The following SLC4A4 variants were observed in gnomAD, a reference collection of about 807,000 sequenced individuals.
SLC4A4 encodes the protein electrogenic sodium bicarbonate cotransporter 1.
In SLC4A4, 27 loss-of-function variants were observed where a neutral mutation model predicts 111.5. The ratio of observed to expected loss-of-function variants is 0.24; its 90% CI spans 0.18 to 0.33. The LOEUF (loss-of-function observed/expected upper bound fraction) is 0.33. SLC4A4 is among the 10% of genes least tolerant of loss of function. The pLI is 1.00. For missense variants in SLC4A4, 909 were observed against 1,315.5 expected (o/e 0.69, Z 4.78); for synonymous variants, 443 against 463.4 (o/e 0.96, Z 0.57).
chr4:71,476,204 A>G (rs571346376), intron 14 of SLC4A4, among the ~76,000 whole-genome samples: 2 of 151,832 alleles, frequency 1.3e-5, no homozygotes, highest in Non-Finnish European at 2.9e-5. Flanking sequence ...TGACAATGTT[A>G]ATACTTCTCC....
At chr4:71,221,121 C>T (rs7663719) in intron 1 of SLC4A4, among the ~76,000 whole-genome samples, 1,965 of 152,252 alleles carry the variant, frequency 0.013, 31 homozygotes, top group African/African-American at 0.04. Flanking sequence ...GTGTCATTAA[C>T]GGGCATTTAG....
Position 71,534,215 on chromosome 4 carries a change from G to A in SLC4A4, c.2281-12G>A, listed in dbSNP as rs763822661. The A allele has an allele frequency of 2.5e-6, 4 of 1,613,112 alleles. No individual in the cohort carries two copies. The highest frequency in any genetic ancestry group is 3.4e-6 in the Non-Finnish European group (4 of 1,179,424). ...GATAATTTTCTGAAAAATGTCATCT[G>A]TCTTTTTCAAGCCAACAAGTCCAAA... On this transcript the variant is annotated splice_polypyrimidine_tract_variant and intron_variant, in intron 17 of 25. Transcript: ENST00000264485.
At chr4:71,155,328 A>C (rs891984876) in intron 2 of SLC4A4, among the ~76,000 whole-genome samples, 13 of 152,214 alleles carry the variant, frequency 8.5e-5, no homozygotes, top group African/African-American at 2.4e-5. Flanking sequence ...TCTCCATTTC[A>C]GACTGCAAAA....
At chr4:71,525,138 A>C (rs2149199406) in intron 16 of SLC4A4, among the ~76,000 whole-genome samples, 1 of 152,252 alleles carries the variant, frequency 6.6e-6, no homozygotes, top group South Asian at 2.1e-4. Context: ...TATTATGTTT[A>C]TAATAGATTT....
chr4:71,332,634 T>C (rs963445348), intron 3 of SLC4A4, among the ~76,000 whole-genome samples: 10 of 151,420 alleles, frequency 6.6e-5, no homozygotes, highest in South Asian at 2.1e-4. Context: ...TTAGTAGAGA[T>C]GGGGTTTCAC....
chr4:71,177,302 T>C (rs6447025), intron 2 of SLC4A4, among the ~76,000 whole-genome samples: 151,876 of 152,264 alleles, frequency 1, 75,747 homozygotes, highest in Middle Eastern at 1. Flanking sequence ...AACATCATAA[T>C]GACAGGATCA....
chr4:71,331,696 G>A (rs565984712), intron 3 of SLC4A4, among the ~76,000 whole-genome samples: 18 of 149,204 alleles, frequency 1.2e-4, no homozygotes, highest in East Asian at 1.2e-3. Flanking sequence ...AAACCTGCCC[G>A]TTGTGCACAT....
chr4:71,432,749 C>A (rs1723756368), intron 7 of SLC4A4, among the ~76,000 whole-genome samples: 1 of 151,828 alleles, frequency 6.6e-6, no homozygotes, highest in Admixed American at 6.6e-5. Context: ...CTTTAAAAAG[C>A]CTACAGAGGG....
chr4:71,484,679 T>G (rs769820452), intron 14 of SLC4A4, among the ~76,000 whole-genome samples: 2 of 151,748 alleles, frequency 1.3e-5, no homozygotes, highest in Non-Finnish European at 2.9e-5. Context: ...TTTTTTCTAC[T>G]TCCACATTGA....
intron 15 of SLC4A4, among the ~76,000 whole-genome samples, chr4:71,489,704 C>G (rs1242376637): frequency 1.3e-5 from 2 of 151,704 alleles, no homozygotes; most frequent in African/African-American, 4.8e-5. Context: ...CTCTCCTATC[C>G]TGAACCTTTC....
chr4:71,133,468 A>G (rs1743763510), intron 2 of SLC4A4, among the ~76,000 whole-genome samples: 1 of 152,222 alleles, frequency 6.6e-6, no homozygotes, highest in Non-Finnish European at 1.5e-5. Context: ...GAGTCAGCCA[A>G]GGGTGCCTTG....
chr4:71,201,359 AC>A (rs1229472890), intron 1 of SLC4A4, among the ~76,000 whole-genome samples: 1 of 152,132 alleles, frequency 6.6e-6, no homozygotes, highest in Non-Finnish European at 1.5e-5. Flanking sequence ...GAGGGGTGTG[AC>A]CTTGGGTCAG....
At chr4:71,514,372 C>T (rs940292255) in intron 16 of SLC4A4, among the ~76,000 whole-genome samples, 34 of 152,110 alleles carry the variant, frequency 2.2e-4, no homozygotes, top group Admixed American at 6.5e-5. Flanking sequence ...GTCTGCTTCC[C>T]GTTTGCCTTC....
chr4:71,213,537 G>T (rs1718255122), intron 1 of SLC4A4, among the ~76,000 whole-genome samples: 1 of 152,090 alleles, frequency 6.6e-6, no homozygotes, highest in African/African-American at 2.4e-5. Flanking sequence ...TCATTTCTGT[G>T]GCTGTCATTA....
At chr4:71,461,066 A>C (rs1726774578) in intron 12 of SLC4A4, among the ~76,000 whole-genome samples, 1 of 152,074 alleles carries the variant, frequency 6.6e-6, no homozygotes, top group African/African-American at 2.4e-5. Flanking sequence ...ATAATTCTTG[A>C]CTAAACTTTA....
chr4:71,156,588 G>GCGCGCGCA (rs376043069), intron 2 of SLC4A4, among the ~76,000 whole-genome samples: 452 of 138,534 alleles, frequency 3.3e-3, no homozygotes, highest in African/African-American at 0.01. Flanking sequence ...GCGCGCGCGC[G>GCGCGCGCA]CACACACACA....
At chr4:71,129,912 A>T (rs1244475235) in intron 2 of SLC4A4, among the ~76,000 whole-genome samples, 1 of 152,096 alleles carries the variant, frequency 6.6e-6, no homozygotes, top group Non-Finnish European at 1.5e-5. Context: ...GTTCTCACTT[A>T]TAAGTAGGAG....
chr4:71,302,568 G>A (rs1294598712), intron 3 of SLC4A4, among the ~76,000 whole-genome samples: 1 of 152,204 alleles, frequency 6.6e-6, no homozygotes, highest in Non-Finnish European at 1.5e-5. Context: ...ACCTAATGGG[G>A]TTGCCTGTAG....
chr4:71,215,484 A>G (rs1718374484), intron 1 of SLC4A4, among the ~76,000 whole-genome samples: 2 of 152,246 alleles, frequency 1.3e-5, no homozygotes, highest in African/African-American at 2.4e-5. Flanking sequence ...CTGATCCTCC[A>G]GGAAGGCTCC....
Sources: gnomAD v4.1 joint callset for allele counts (sites outside exome capture counted in the v4.1 genomes callset) on GRCh38, gnomAD v4.1.1 for gene constraint, MANE v1.5 for transcripts, NCBI Gene and HGNC (gene_info 2026-07-23, HGNC 2026-07-21) for gene names.